Variants in FGF12 observed in about 807,000 individuals in gnomAD.
The protein encoded by FGF12 is fibroblast growth factor 12B.
FGF12 carries 14 observed loss-of-function variants against 23.6 expected under a neutral mutation model. The observed-to-expected ratio is 0.59, with a 90% confidence interval of 0.39 to 0.93. The LOEUF is 0.93. Among genes scored for constraint, FGF12 ranks in the 40% least tolerant of loss-of-function variants. The pLI, the probability that FGF12 is intolerant of heterozygous loss-of-function variation, is 0.00. For missense variants in FGF12, 175 were observed against 217.8 expected (o/e 0.80, Z 1.24); for synonymous variants, 62 against 77.3 (o/e 0.80, Z 1.04).
rs542464557 is a variant in FGF12 at position 192,405,636 on chromosome 3, A to G, written c.14-45098T>C. 1.5e-4 allele frequency among the ~76,000 whole-genome samples: 22 copies of G among 144,642 alleles called. No homozygotes were observed. In the East Asian group the frequency reaches 3.7e-3, roughly 24 times the overall value. 94.9% of individuals were successfully genotyped at this position (144,642 alleles called of 152,430 possible). On this transcript the variant is annotated intron_variant, in intron 2 of 5. Transcript: ENST00000445105. ...TCAAATATTAAGTGAATACAACATC[A>G]AAGTGATTATAAAACAGATTCGAAT...
At chr3:192,218,408 T>C (rs1325949920) in intron 4 of FGF12, among the ~76,000 whole-genome samples, 1 of 152,174 alleles carries the variant, frequency 6.6e-6, no homozygotes, top group Non-Finnish European at 1.5e-5. Flanking sequence ...TGATGGATCA[T>C]GCGGGTGCGT....
intron 2 of FGF12, among the ~76,000 whole-genome samples, chr3:192,721,383 T>G (rs1165763472): frequency 6.6e-6 from 1 of 152,190 alleles, no homozygotes; most frequent in Non-Finnish European, 1.5e-5. Flanking sequence ...GCCTAAGTCA[T>G]TTAGTCTTTA....
intron 2 of FGF12, among the ~76,000 whole-genome samples, chr3:192,442,068 A>G (rs1431930824): frequency 6.6e-6 from 1 of 152,222 alleles, no homozygotes; most frequent in Non-Finnish European, 1.5e-5. Flanking sequence ...GTTGAGTGAG[A>G]CTTTCTTTTG....
At position 192,279,230 on chromosome 3, in the gene FGF12, G is replaced by GTATATATA. The variant is rs59504943; in HGVS notation, c.228+56123_228+56130dup. Among the ~76,000 whole-genome samples, 881 of 131,930 alleles carry GTATATATA rather than the reference G, an allele frequency of 6.7e-3. 27 individuals are homozygous for GTATATATA. The highest frequency in any genetic ancestry group is 0.026 in the African/African-American group (831 of 32,456). 86.6% of individuals were successfully genotyped at this position (131,930 alleles called of 152,430 possible). ...TAAGTCATGCTTGGTTAATGTATGA[G>GTATATATA]TATATATATATATATATATATATAA... On this transcript the variant is annotated intron_variant, in intron 4 of 5. Transcript: ENST00000445105.
At chr3:192,502,455 T>C (rs1159993822) in intron 2 of FGF12, among the ~76,000 whole-genome samples, 1 of 152,190 alleles carries the variant, frequency 6.6e-6, no homozygotes, top group Non-Finnish European at 1.5e-5. Flanking sequence ...GCAATCTACG[T>C]TGTATAACAG....
chr3:192,709,691 A>C (rs1467743819), intron 2 of FGF12, among the ~76,000 whole-genome samples: 1 of 152,206 alleles, frequency 6.6e-6, no homozygotes, highest in Non-Finnish European at 1.5e-5. Flanking sequence ...CCAGTTATAA[A>C]TTGGCCAGGG....
chr3:192,213,446 C>T (rs536602716), intron 4 of FGF12, among the ~76,000 whole-genome samples: 22 of 152,286 alleles, frequency 1.4e-4, no homozygotes, highest in Non-Finnish European at 2.5e-4. Context: ...ATGCTCATAT[C>T]ATTTTATTTT....
At chr3:192,439,913 C>T (rs57877925) in intron 2 of FGF12, among the ~76,000 whole-genome samples, 28,482 of 150,076 alleles carry the variant, frequency 0.19, 3,126 homozygotes, top group African/African-American at 0.33. Flanking sequence ...GAGGCAGAGG[C>T]TGCAGTGAGC....
intron 2 of FGF12, among the ~76,000 whole-genome samples, chr3:192,589,213 C>A (rs1295659647): frequency 2.6e-5 from 4 of 151,078 alleles, no homozygotes; most frequent in Admixed American, 1.3e-4. Context: ...TGCGCACCTG[C>A]AGTCCCAGCT....
chr3:192,380,871 T>A (rs1719786224), intron 2 of FGF12, among the ~76,000 whole-genome samples: 1 of 151,654 alleles, frequency 6.6e-6, no homozygotes, highest in Non-Finnish European at 1.5e-5. Context: ...GTACTCATTT[T>A]TAAACAAGCA....
chr3:192,293,358 T>C (rs1225724541), intron 4 of FGF12, among the ~76,000 whole-genome samples: 2 of 152,230 alleles, frequency 1.3e-5, no homozygotes, highest in East Asian at 3.8e-4. Context: ...GAAGTGTATG[T>C]ATCTGGAGAT....
chr3:192,671,395 GA>G (rs1452866196), intron 2 of FGF12, among the ~76,000 whole-genome samples: 1 of 152,194 alleles, frequency 6.6e-6, no homozygotes, highest in African/African-American at 2.4e-5. Context: ...AGGATTCAAA[GA>G]TATCAATTAT....
At chr3:192,707,606 T>C (rs76714592) in intron 2 of FGF12, among the ~76,000 whole-genome samples, 8,560 of 151,422 alleles carry the variant, frequency 0.057, 416 homozygotes, top group East Asian at 0.2. Flanking sequence ...ATTAGCTGGG[T>C]GTGGTGGCAG....
intron 4 of FGF12, among the ~76,000 whole-genome samples, chr3:192,333,576 C>T (rs1436129618): frequency 6.6e-6 from 1 of 151,822 alleles, no homozygotes; most frequent in Admixed American, 6.6e-5. Context: ...TATATGTACA[C>T]ATATAGCATA....
At chr3:192,358,190 G>A (rs2108730184) in intron 3 of FGF12, among the ~76,000 whole-genome samples, 1 of 151,994 alleles carries the variant, frequency 6.6e-6, no homozygotes, top group South Asian at 2.1e-4. Flanking sequence ...ATTCCAGGGA[G>A]TTATTATATC....
At chr3:192,442,819 T>C (rs1210340855) in intron 2 of FGF12, among the ~76,000 whole-genome samples, 1 of 151,596 alleles carries the variant, frequency 6.6e-6, no homozygotes, top group Non-Finnish European at 1.5e-5. Context: ...TTTTTTTTTT[T>C]TTTTTTGAGA....
chr3:192,690,596 A>C (rs1450148996), intron 2 of FGF12, among the ~76,000 whole-genome samples: 1 of 151,560 alleles, frequency 6.6e-6, no homozygotes, highest in Non-Finnish European at 1.5e-5. Context: ...CAAAAAAAAA[A>C]AAAAAAAAAT....
intron 3 of FGF12, among the ~76,000 whole-genome samples, chr3:192,349,841 A>G (rs753952560): frequency 1.3e-5 from 2 of 152,128 alleles, no homozygotes; most frequent in Non-Finnish European, 1.5e-5. Flanking sequence ...ACGCAAAGTC[A>G]TATTCATTTT....
chr3:192,361,329 A>G (rs990070969), intron 2 of FGF12, among the ~76,000 whole-genome samples: 7 of 152,194 alleles, frequency 4.6e-5, no homozygotes, highest in African/African-American at 1.7e-4. Flanking sequence ...ATAAATATTT[A>G]AAGCTTTCTC....
Sources: allele counts gnomAD v4.1 joint callset (sites outside exome capture counted in the v4.1 genomes callset), GRCh38; gene constraint gnomAD v4.1.1; transcripts MANE v1.5; gene names NCBI Gene and HGNC (gene_info 2026-07-23, HGNC 2026-07-21).